The following SDK1 variants were observed in gnomAD, a reference collection of about 807,000 sequenced individuals.
The protein encoded by SDK1 is sidekick cell adhesion molecule 1.
SDK1 carries 157 observed loss-of-function variants against 245.5 expected under a neutral mutation model. That is an observed-to-expected ratio of 0.64 (90% CI 0.56 to 0.73). The LOEUF (loss-of-function observed/expected upper bound fraction) is 0.73. SDK1 is among the 30% of genes least tolerant of loss of function. The pLI, the probability that SDK1 is intolerant of heterozygous loss-of-function variation, is 0.00. For missense variants in SDK1, 3,583 were observed against 3,002.3 expected (o/e 1.19, Z -4.52); for synonymous variants, 1,647 against 1,278.5 (o/e 1.29, Z -6.15).
chr7:3,564,279 C>G (rs114351207), intron 1 of SDK1, among the ~76,000 whole-genome samples: 3,056 of 151,986 alleles, frequency 0.02, 115 homozygotes, highest in African/African-American at 0.07. Context: ...AAACTTGATT[C>G]TTTGAAAGAT....
intron 1 of SDK1, among the ~76,000 whole-genome samples, chr7:3,535,157 T>G (rs990284684): frequency 3.3e-5 from 5 of 152,070 alleles, no homozygotes; most frequent in African/African-American, 1.2e-4. Context: ...GCACCTGTAA[T>G]CCCAGCTACT....
chr7:4,064,657 A>T (rs1003610694), intron 19 of SDK1, among the ~76,000 whole-genome samples: 4 of 152,212 alleles, frequency 2.6e-5, no homozygotes, highest in African/African-American at 9.7e-5. Flanking sequence ...TACGGAATCA[A>T]CCCAAGCGTC....
intron 19 of SDK1, among the ~76,000 whole-genome samples, chr7:4,056,566 AAAGGGAAAGGG>A (rs1779211411): frequency 6.6e-6 from 1 of 152,128 alleles, no homozygotes; most frequent in Admixed American, 6.5e-5. Context: ...CACTGTGGGA[AAAGGGAAAGGG>A]AGAGACCCCC....
At chr7:3,348,996 T>C (rs966912316) in intron 1 of SDK1, among the ~76,000 whole-genome samples, 4 of 152,194 alleles carry the variant, frequency 2.6e-5, no homozygotes, top group Non-Finnish European at 5.9e-5. Flanking sequence ...CTCACGTTTT[T>C]GTGCATGTCA....
intron 4 of SDK1, among the ~76,000 whole-genome samples, chr7:3,694,518 G>A (rs986669829): frequency 6.6e-6 from 1 of 152,028 alleles, no homozygotes; most frequent in African/African-American, 2.4e-5. Context: ...CACCTCAGTC[G>A]GGGACCTCTG....
At chr7:3,488,056 C>T (rs956014775) in intron 1 of SDK1, among the ~76,000 whole-genome samples, 2 of 152,160 alleles carry the variant, frequency 1.3e-5, no homozygotes, top group Admixed American at 6.5e-5. Context: ...TCCCCCACAC[C>T]TTTCAAAGAA....
chr7:3,662,590 G>A (rs1783400753), intron 4 of SDK1, among the ~76,000 whole-genome samples: 1 of 152,194 alleles, frequency 6.6e-6, no homozygotes, highest in South Asian at 2.1e-4. Flanking sequence ...GGGGACGATT[G>A]GGAGCTCACA....
chr7:4,265,334 G>A lies in SDK1; in HGVS notation c.6592G>A (p.Ala2198Thr), dbSNP rs932957115. 10 of 1,475,180 alleles carry A rather than the reference G, an allele frequency of 6.8e-6. No homozygotes were observed. The East Asian group carries it at 2.0e-4, about 30-fold the overall frequency. The allele number at this position is 1,475,180 out of a possible 1,614,324, so 91.4% of individuals were successfully genotyped here. A position where few individuals can be genotyped will look rare whatever the true frequency, so the allele number is the denominator to read the frequency against. The change falls in exon 45 of 45, where the codon GCT (alanine) becomes ACT (threonine). Residue 2198 changes from alanine (A) to threonine (T), a missense_variant. Ala to Thr is a moderately conservative substitution (Grantham distance 58, BLOSUM62 0). Coordinates refer to ENST00000404826, the MANE Select transcript of SDK1 (RefSeq NM_152744.4). ...TQSAGGVYTP[A>T]GPGARTPLTG... ...GAGCGCGGGCGGCGTCTACACCCCC[G>A]CTGGCCCCGGCGCGCGAACTCCGCT... is the stretch of plus-strand genomic sequence containing the variant.
rs187340712 is a variant in SDK1 at position 3,723,975 on chromosome 7, G to A, written c.713+81870G>A. On this transcript the variant is annotated intron_variant, in intron 4 of 44. Transcript: ENST00000404826. ...AGAGAGAGAGAGAGAGAGAGAGAGA[G>A]AGAAAGAGAGAGAGAGTCTCACCTG... Among the ~76,000 whole-genome samples, 991 of 144,860 alleles carry A rather than the reference G, an allele frequency of 6.8e-3. 36 individuals carry two copies. The highest frequency in any genetic ancestry group is 0.025 in the African/African-American group (928 of 37,508).
At chr7:3,508,460 T>C (rs1782467988) in intron 1 of SDK1, among the ~76,000 whole-genome samples, 1 of 151,850 alleles carries the variant, frequency 6.6e-6, no homozygotes. Context: ...CCTGAGTAGC[T>C]GGGATTACAG....
intron 1 of SDK1, among the ~76,000 whole-genome samples, chr7:3,599,755 G>A (rs956073259): frequency 6.6e-6 from 1 of 152,058 alleles, no homozygotes; most frequent in African/African-American, 2.4e-5. Context: ...TCAAAAGTCA[G>A]TTGGCTGCCT....
chr7:3,767,952 A>G (rs568313698), intron 4 of SDK1, among the ~76,000 whole-genome samples: 5 of 152,318 alleles, frequency 3.3e-5, no homozygotes, highest in Admixed American at 6.5e-5. Context: ...CATTTACTTT[A>G]CCATCCCCAT....
Position 3,301,543 on chromosome 7 carries a change from C to A in SDK1, c.-44C>A, listed in dbSNP as rs1222011516. 1 of 725,720 alleles carries A rather than the reference C, an allele frequency of 1.4e-6. No homozygotes were observed. The highest frequency in any genetic ancestry group is 1.7e-6 in the Non-Finnish European group (1 of 596,522). The allele number at this position is 725,720 out of a possible 1,614,324, so 45.0% of individuals were successfully genotyped here. On this transcript the variant is annotated 5_prime_UTR_variant, in exon 1 of 45. Coordinates refer to ENST00000404826, the MANE Select transcript of SDK1 (RefSeq NM_152744.4). The stretch of plus-strand genomic sequence containing the variant: ...TCGGAGCCGTCCCGCCTGTCCTGCC[C>A]GCCCGTCCGTCCGGCGCGGCGCTCG...
intron 1 of SDK1, among the ~76,000 whole-genome samples, chr7:3,556,266 A>C (rs1279738455): frequency 6.6e-6 from 1 of 152,184 alleles, no homozygotes; most frequent in Non-Finnish European, 1.5e-5. Context: ...CATTTGCAAC[A>C]ACACTCGTTT....
chr7:3,514,816 G>T (rs956147223), intron 1 of SDK1, among the ~76,000 whole-genome samples: 4 of 152,208 alleles, frequency 2.6e-5, no homozygotes, highest in Non-Finnish European at 5.9e-5. Context: ...AAAGAGAAAT[G>T]AGAGAATGGA....
At chr7:4,185,573 C>T (rs1423790689) in intron 35 of SDK1, among the ~76,000 whole-genome samples, 1 of 152,180 alleles carries the variant, frequency 6.6e-6, no homozygotes, top group Non-Finnish European at 1.5e-5. Context: ...GACAGTCCTC[C>T]CTCCCATGCA....
At chr7:4,060,103 G>T (rs1386294856) in intron 19 of SDK1, among the ~76,000 whole-genome samples, 1 of 151,948 alleles carries the variant, frequency 6.6e-6, no homozygotes, top group Non-Finnish European at 1.5e-5. Context: ...GGATGGTCTC[G>T]ATCTCCTGAC....
In SDK1 at chr7:4,175,845, T is replaced by C. The variant is rs1333616418; in HGVS notation, c.4996+11T>C. ...TGTGTGAACTAACACGTAAGTGCGC[T>C]CTCAGCGGGAGGCCCATGCCGCGAG... On this transcript the variant is annotated intron_variant, in intron 34 of 44. Coordinates refer to ENST00000404826, the MANE Select transcript of SDK1 (RefSeq NM_152744.4). 2 of 1,611,348 alleles carry C rather than the reference T, an allele frequency of 1.2e-6. No individual in the cohort carries two copies. The highest frequency in any genetic ancestry group is 1.7e-6 in the Non-Finnish European group (2 of 1,178,838).
intron 9 of SDK1, among the ~76,000 whole-genome samples, chr7:3,964,420 A>C (rs2128130536): frequency 6.6e-6 from 1 of 152,324 alleles, no homozygotes; most frequent in Admixed American, 6.5e-5. Flanking sequence ...AAGACTATTG[A>C]GTGAATAGAT....
Sources: allele counts gnomAD v4.1 joint callset (sites outside exome capture counted in the v4.1 genomes callset), GRCh38; gene constraint gnomAD v4.1.1; transcripts MANE v1.5; gene names NCBI Gene and HGNC (gene_info 2026-07-23, HGNC 2026-07-21).